Variants in GPR155 observed in about 807,000 individuals in gnomAD.
The protein encoded by GPR155 is lysosomal cholesterol signaling protein.
In GPR155, 65 loss-of-function variants were observed where a neutral mutation model predicts 93.1. That is an observed-to-expected ratio of 0.70 (90% CI 0.57 to 0.86). The LOEUF (loss-of-function observed/expected upper bound fraction) is 0.86, where lower values mean the gene tolerates loss of function less well. Among genes scored for constraint, GPR155 ranks in the 40% least tolerant of loss-of-function variants. The probability of loss-of-function intolerance (pLI) is 0.00; values close to 1 mark genes in which losing one functional copy is unlikely to be tolerated. For synonymous variants in GPR155, 319 were observed against 360.1 expected (o/e 0.89, Z 1.29); for missense variants, 838 against 1,034.8 (o/e 0.81, Z 2.61).
intron 1 of GPR155, chr2:174,483,268 T>C (rs1173108005): frequency 1.3e-5 from 2 of 152,256 alleles, no homozygotes; most frequent in African/African-American, 4.8e-5. Flanking sequence ...AGGCACTATT[T>C]AGTTTACAGA....
chr2:174,466,774 CA>C (rs1395814492), intron 5 of GPR155, 147 bp from the exon 6 acceptor site: 6 of 549,694 alleles, frequency 1.1e-5, no homozygotes, highest in African/African-American at 7.7e-5. Flanking sequence ...TGTCTAGTTC[CA>C]AAAAGGTAAA....
intron 3 of GPR155, among the ~76,000 whole-genome samples, chr2:174,470,937 T>A (rs1464534001): frequency 6.7e-6 from 1 of 150,036 alleles, no homozygotes; most frequent in Non-Finnish European, 1.5e-5. Context: ...ACAATCTGCA[T>A]AAAAACTTCT....
At chr2:174,463,415 A>G (rs1359598683) in intron 7 of GPR155, among the ~76,000 whole-genome samples, 1 of 152,046 alleles carries the variant, frequency 6.6e-6, no homozygotes, top group Non-Finnish European at 1.5e-5. Flanking sequence ...TGCCCAGGCT[A>G]GTCTCGAACT....
chr2:174,468,774 G>A (rs1165896789), intron 5 of GPR155, 138 bp downstream of exon 5: 11 of 749,546 alleles, frequency 1.5e-5, no homozygotes, highest in African/African-American at 1.8e-5. Flanking sequence ...TAATCAGAAG[G>A]CTGACATTAT....
chr2:174,482,127 T>C (rs890807583), intron 1 of GPR155, 140 bp from the exon 2 acceptor site: 3 of 582,298 alleles, frequency 5.2e-6, no homozygotes, highest in Non-Finnish European at 9.1e-6. Context: ...ACTTATTCAA[T>C]GGCCAAATAA....
At chr2:174,440,481 T>C (rs1216330886) in intron 14 of GPR155, among the ~76,000 whole-genome samples, 1 of 152,110 alleles carries the variant, frequency 6.6e-6, no homozygotes, top group African/African-American at 2.4e-5. Context: ...AACAGTTTTG[T>C]TTCAGCAAGC....
Position 174,446,644 on chromosome 2 carries a change from C to A in GPR155, c.1980G>T (p.Leu660Phe), listed in dbSNP as rs778441385. 1 of 1,614,058 alleles carries A rather than the reference C, an allele frequency of 6.2e-7. No individual in the cohort carries two copies. The highest frequency in any genetic ancestry group is 1.1e-5 in the South Asian group (1 of 91,078). ...SGDQQLTRHV[L>F]LCLLLIIGLF... is the part of the protein sequence containing the mutation. Reference sequence around the variant, plus strand: ...GGCCAATGATGAGAAGTAAACACAGCAACACATGTCGGGTCAGTTGCTGGT... The same window carrying A: ...GGCCAATGATGAGAAGTAAACACAGAAACACATGTCGGGTCAGTTGCTGGT... Residue 660 changes from leucine to phenylalanine, a missense_variant, in exon 12 of 16, where the codon TTG (leucine) becomes TTT (phenylalanine). By Grantham distance (22) the Leu-to-Phe change is conservative. Coordinates refer to ENST00000392552, the MANE Select transcript of GPR155 (RefSeq NM_152529.7).
intron 14 of GPR155, among the ~76,000 whole-genome samples, chr2:174,441,056 A>C (rs1050466749): frequency 1.3e-5 from 2 of 152,208 alleles, no homozygotes; most frequent in Non-Finnish European, 2.9e-5. Context: ...GATAGAAATC[A>C]ATGTCCATCA....
chr2:174,475,528 C>T (rs1688140593), intron 2 of GPR155, among the ~76,000 whole-genome samples: 1 of 151,756 alleles, frequency 6.6e-6, no homozygotes, highest in African/African-American at 2.4e-5. Context: ...TCCCCATTTT[C>T]TCAGCTAAGT....
chr2:174,453,862 G>A (rs12468711), intron 10 of GPR155, 21 bp from the exon 11 acceptor site: 1 of 1,525,324 alleles, frequency 6.6e-7, no homozygotes, highest in Non-Finnish European at 9.1e-7. Context: ...CAAATAGTAT[G>A]TGAGAGTAGA....
chr2:174,469,249 C>T (rs1687926235), intron 4 of GPR155, among the ~76,000 whole-genome samples, 182 bp from the exon 5 acceptor site: 1 of 152,144 alleles, frequency 6.6e-6, no homozygotes, highest in Non-Finnish European at 1.5e-5. Context: ...ATACAAAATA[C>T]AATTGAGTTA....
chr2:174,436,834 G>A lies in GPR155; in HGVS notation c.2313-418C>T, dbSNP rs534851007. The stretch of plus-strand genomic sequence containing the variant: ...AATATTTTTCACGAGCTCTTAAGAA[G>A]TGATTATTTTCACTATTCAAATCAA... On this transcript the variant is annotated intron_variant, in intron 15 of 15. Transcript: ENST00000392552. 1.0e-3 allele frequency among the ~76,000 whole-genome samples: 152 copies of A among 152,314 alleles called. 1 individual carries two copies. The highest frequency in any genetic ancestry group is 1.9e-3 in the East Asian group (10 of 5,190).
At chr2:174,486,220 G>A (rs1688474206) in intron 1 of GPR155, among the ~76,000 whole-genome samples, 1 of 152,114 alleles carries the variant, frequency 6.6e-6, no homozygotes, top group African/African-American at 2.4e-5. Flanking sequence ...GAGACCCAGG[G>A]TAGGGAGCGC....
At chr2:174,464,388 C>A (rs1037641533) in intron 7 of GPR155, among the ~76,000 whole-genome samples, 1 of 151,760 alleles carries the variant, frequency 6.6e-6, no homozygotes, top group African/African-American at 2.4e-5. Context: ...GAAAAAAGAA[C>A]AAGTAGTATG....
chr2:174,448,562 G>A (rs1369079610), intron 11 of GPR155, among the ~76,000 whole-genome samples: 1 of 123,070 alleles, frequency 8.1e-6, no homozygotes, highest in African/African-American at 3.2e-5. Context: ...ACGGAGTCTC[G>A]CTCTGTCGCC....
chr2:174,477,252 A>G (rs1688193724), intron 2 of GPR155, among the ~76,000 whole-genome samples: 1 of 152,084 alleles, frequency 6.6e-6, no homozygotes, highest in Admixed American at 6.5e-5. Flanking sequence ...ACATTATGGA[A>G]TGGCTAAATC....
chr2:174,456,341 G>A lies in GPR155; in HGVS notation c.1772-2500C>T, dbSNP rs552310123. On this transcript the variant is annotated intron_variant, in intron 10 of 15. Transcript: ENST00000392552. Reference sequence around the variant, plus strand: ...TTTTTTTGAGACAGTGTCTCGCTCCGTTTCCCAGGCCAGAGTGCAGTGGTG... The same window carrying A: ...TTTTTTTGAGACAGTGTCTCGCTCCATTTCCCAGGCCAGAGTGCAGTGGTG... Among the ~76,000 whole-genome samples, 17 of 150,204 alleles carry A rather than the reference G, an allele frequency of 1.1e-4. No homozygotes were observed. In the East Asian group the frequency reaches 1.4e-3, roughly 12 times the overall value.
At position 174,466,579 on chromosome 2, in the gene GPR155, G is replaced by T; in HGVS notation, c.1231C>A (p.Pro411Thr). The T allele has an allele frequency of 6.3e-7, 1 of 1,592,488 alleles. No homozygotes were observed. Among genetic ancestry groups the T allele is most frequent in the Non-Finnish European group, 8.6e-7 (1 of 1,163,278 alleles). Residue 411 changes from proline to threonine, a missense_variant, in exon 6 of 16, where the codon CCT (proline) becomes ACT (threonine). By Grantham distance (38) the Pro-to-Thr change is conservative. This residue lies in a region of GPR155 where 663 missense variants were observed against 790.1 expected (regional missense o/e 0.84). Transcript: ENST00000392552. ...AGTAAATTAGTTGTAAGCATATGAG[G>T]AAGCTGTTTATATTTCTTACTCAAA... is the stretch of plus-strand genomic sequence containing the variant. ...LLLSKKYKQL[P>T]HMLTTNLLIA...
rs565484565 is a variant in GPR155, at chr2:174,461,086, C to T, written c.1560+316G>A. Reference sequence around the variant, plus strand: ...ATAGGATTAAGAGTCAAGAATTTGACCTTTATTATTACTGCTAACTTATTA... The same window carrying T: ...ATAGGATTAAGAGTCAAGAATTTGATCTTTATTATTACTGCTAACTTATTA... On this transcript the variant is annotated intron_variant, in intron 9 of 15. Coordinates refer to ENST00000392552, the MANE Select transcript of GPR155 (RefSeq NM_152529.7). 1.1e-4 allele frequency among the ~76,000 whole-genome samples: 17 copies of T among 152,214 alleles called. 1 individual carries two copies. The South Asian group carries it at 3.3e-3, about 30-fold the overall frequency.
Sources: allele counts gnomAD v4.1 joint callset (sites outside exome capture counted in the v4.1 genomes callset), GRCh38; gene constraint gnomAD v4.1.1; regional missense constraint gnomAD v4.1.1; transcripts MANE v1.5; gene names NCBI Gene and HGNC (gene_info 2026-07-23, HGNC 2026-07-21).